KDELR3: variants seen among roughly 807,000 people sequenced by gnomAD.
The protein encoded by KDELR3 is KDEL endoplasmic reticulum protein retention receptor 3, also known as ER lumen protein-retaining receptor 3.
Under a neutral mutation model 22.7 loss-of-function variants are expected in KDELR3, and 26 were observed. The observed-to-expected ratio is 1.15, with a 90% CI of 0.84 to 1.59. KDELR3 has a LOEUF of 1.59. Ranked by LOEUF, KDELR3 falls within the 40% of genes most tolerant of loss-of-function variation. The probability of loss-of-function intolerance (pLI) is 0.00; values close to 1 mark genes in which losing one functional copy is unlikely to be tolerated. For synonymous variants in KDELR3, 120 were observed against 98.2 expected (o/e 1.22, Z -1.31); for missense variants, 289 against 251.1 (o/e 1.15, Z -1.02).
intron 1 of KDELR3, among the ~76,000 whole-genome samples, chr22:38,470,788 C>T (rs1213328891): frequency 6.6e-6 from 1 of 152,152 alleles, no homozygotes; most frequent in African/African-American, 2.4e-5. Context: ...TGTCCCGGGT[C>T]TCCATGTGCA....
At chr22:38,468,400 C>T (rs2089501334) in intron 1 of KDELR3, 76 bp downstream of exon 1, 8 of 1,317,408 alleles carry the variant, frequency 6.1e-6, no homozygotes, top group East Asian at 2.3e-5. Flanking sequence ...GGGCAGGGCG[C>T]TCCAGGTGTC....
intron 1 of KDELR3, among the ~76,000 whole-genome samples, chr22:38,470,895 G>A (rs753631667): frequency 1.1e-4 from 16 of 152,154 alleles, no homozygotes; most frequent in Non-Finnish European, 2.4e-4. Context: ...TGTAATCCCA[G>A]CACTTTGGGA....
rs1322599074 is a variant in KDELR3 at position 38,468,322 on chromosome 22, A to C, written c.89A>C (p.Lys30Thr). The C allele has an allele frequency of 3.7e-6, 6 of 1,613,518 alleles. No homozygotes were observed. Among genetic ancestry groups the C allele is most frequent in the Non-Finnish European group, 4.2e-6 (5 of 1,179,814 alleles). ...LGKIWRSKCC[K>T]GISGKSQILF... is the part of the protein sequence containing the mutation. ...AAGATCTGGAGGTCCAAGTGCTGCA[A>C]GGGTGAGGGGCGCCTGGCAGGGAGG... is the stretch of plus-strand genomic sequence containing the variant. Residue 30 changes from lysine to threonine, a missense_variant and splice_region_variant, in exon 1 of 5, where the codon AAG (lysine) becomes ACG (threonine). Physicochemically the swap from Lys to Thr is moderately conservative, Grantham distance 78. Transcript: ENST00000216014.
chr22:38,479,270 G>A (rs1156440020), intron 2 of KDELR3, among the ~76,000 whole-genome samples: 1 of 152,026 alleles, frequency 6.6e-6, no homozygotes. Flanking sequence ...TGTTTCAAGA[G>A]CCCTGGAATG....
intron 3 of KDELR3, among the ~76,000 whole-genome samples, chr22:38,480,006 G>A (rs1028367818): frequency 7.9e-5 from 12 of 152,176 alleles, no homozygotes; most frequent in South Asian, 2.1e-4. Context: ...CTGTTCAACC[G>A]ATTAGCAGAT....
intron 3 of KDELR3, among the ~76,000 whole-genome samples, chr22:38,480,294 C>A (rs1790308866): frequency 6.6e-6 from 1 of 152,024 alleles, no homozygotes; most frequent in Admixed American, 6.6e-5. Flanking sequence ...TAGGCACGAG[C>A]CACCACACTC....
intron 2 of KDELR3, among the ~76,000 whole-genome samples, chr22:38,476,890 T>A (rs2089563173): frequency 3.8e-3 from 1 of 266 alleles, no homozygotes; most frequent in African/African-American, 0.011. Context: ...CACTGCAGTC[T>A]CTGCTCCCGG....
chr22:38,471,686 G>A (rs947500223), intron 1 of KDELR3, among the ~76,000 whole-genome samples: 1 of 152,168 alleles, frequency 6.6e-6, no homozygotes, highest in Non-Finnish European at 1.5e-5. Flanking sequence ...CCCCCAGGCT[G>A]GGTGCAGTGG....
At chr22:38,480,646 G>A (rs1054757685) in intron 3 of KDELR3, among the ~76,000 whole-genome samples, 83 of 151,930 alleles carry the variant, frequency 5.5e-4, no homozygotes, top group African/African-American at 1.9e-3. Context: ...TCAGCTACTC[G>A]GGAGGCTGAG....
In KDELR3 at chr22:38,481,272, A is replaced by G; in HGVS notation, c.412A>G (p.Ile138Val). Residue 138 changes from isoleucine to valine, a missense_variant, in exon 4 of 5, where the codon ATC (isoleucine) becomes GTC (valine). Transcript: ENST00000216014. ...GGCTATCCTGCCCCAGCTCTTCATG[A>G]TCAGCAAGACTGGAGAGGCTGAGAC... ...SVAILPQLFM[I>V]SKTGEAETIT... 1 of 1,614,164 alleles carries G rather than the reference A, an allele frequency of 6.2e-7. No homozygotes were observed. Among genetic ancestry groups the G allele is most frequent in the Non-Finnish European group, 8.5e-7 (1 of 1,180,042 alleles).
chr22:38,482,590 A>T lies in KDELR3; in HGVS notation c.*54A>T. On this transcript the variant is annotated 3_prime_UTR_variant, in exon 5 of 5. Transcript: ENST00000216014. ...CAAGCACATGAAGGAAACTATTTTG[A>T]ATGTTCTCTTTGGCAACTTATCCAT... 1 of 1,465,876 alleles carries T rather than the reference A, an allele frequency of 6.8e-7. No homozygotes were observed. The allele number at this position is 1,465,876 out of a possible 1,614,324, so 90.8% of individuals were successfully genotyped here. A position where few individuals can be genotyped will look rare whatever the true frequency, so the allele number is the denominator to read the frequency against.
chr22:38,481,066 GATTAAAAT>G, intron 3 of KDELR3, 138 bp from the exon 4 acceptor site: 1 of 745,396 alleles, frequency 1.3e-6, no homozygotes. Context: ...AGGTTAAACT[GATTAAAAT>G]ATTATAATTT....
At position 38,474,563 on chromosome 22, in the gene KDELR3, C is replaced by T; in HGVS notation, c.132C>T (p.Phe44=). ...GCCAGATCCTGTTTGCTCTCGTCTTCACCACCAGGTACCTGGACCTGTTCA... is the reference window on the plus strand; with the variant it reads ...GCCAGATCCTGTTTGCTCTCGTCTTTACCACCAGGTACCTGGACCTGTTCA... ...GKSQILFALV[F]TTRYLDLFTN... The change falls in exon 2 of 5, where the codon TTC becomes TTT. Residue 44 remains phenylalanine (F), a synonymous_variant. Coordinates refer to ENST00000216014, the MANE Select transcript of KDELR3 (RefSeq NM_006855.4). The T allele has an allele frequency of 6.2e-7, 1 of 1,614,064 alleles. No homozygotes were observed. The highest frequency in any genetic ancestry group is 8.5e-7 in the Non-Finnish European group (1 of 1,179,986).
chr22:38,473,531 A>G (rs1199545400), intron 1 of KDELR3, among the ~76,000 whole-genome samples: 2 of 152,258 alleles, frequency 1.3e-5, no homozygotes, highest in East Asian at 1.9e-4. Flanking sequence ...TCATATGTGT[A>G]CACATAGGTG....
At position 38,478,629 on chromosome 22, in the gene KDELR3, ATTTTTTTTTTTTTTTTT is replaced by A. The variant is rs55884876; in HGVS notation, c.193-950_193-934del. On this transcript the variant is annotated intron_variant, in intron 2 of 4. Transcript: ENST00000216014. ...GGCAAGGGAAGAGACAGCATCTGTGATTTTTTTTTTTTTTTTTTTTTTTTTTTTTTGAGACAGAGTCT... is the reference window on the plus strand; with the variant it reads ...GGCAAGGGAAGAGACAGCATCTGTGATTTTTTTTTTTTTGAGACAGAGTCT... Among the ~76,000 whole-genome samples, 6 of 43,560 alleles carry A rather than the reference ATTTTTTTTTTTTTTTTT, an allele frequency of 1.4e-4. 1 individual carries two copies. Among genetic ancestry groups the A allele is most frequent in the Admixed American group, 4.9e-4 (1 of 2,032 alleles). 28.6% of individuals were successfully genotyped at this position (43,560 alleles called of 152,430 possible).
At chr22:38,469,996 T>C (rs1227506103) in intron 1 of KDELR3, among the ~76,000 whole-genome samples, 2 of 151,902 alleles carry the variant, frequency 1.3e-5, no homozygotes, top group Non-Finnish European at 2.9e-5. Flanking sequence ...ATTTTTGTAT[T>C]TTTAGTAGAG....
chr22:38,479,073 G>C (rs2089580418), intron 2 of KDELR3, among the ~76,000 whole-genome samples: 1 of 152,044 alleles, frequency 6.6e-6, no homozygotes, highest in African/African-American at 2.4e-5. Flanking sequence ...AAGGAGCAAT[G>C]GTCAGTTAGT....
chr22:38,482,295 A>T (rs2089609077), intron 4 of KDELR3, among the ~76,000 whole-genome samples: 1 of 152,206 alleles, frequency 6.6e-6, no homozygotes, highest in African/African-American at 2.4e-5. Flanking sequence ...CTAAGTTTAC[A>T]GCTGGGGGGA....
intron 3 of KDELR3, among the ~76,000 whole-genome samples, chr22:38,480,764 T>A (rs1342919402): frequency 6.6e-6 from 1 of 150,840 alleles, no homozygotes; most frequent in South Asian, 2.1e-4. Flanking sequence ...AAAAAATAAA[T>A]AAAAAAGTTA....
Sources: allele counts gnomAD v4.1 joint callset (sites outside exome capture counted in the v4.1 genomes callset), GRCh38; gene constraint gnomAD v4.1.1; transcripts MANE v1.5; gene names NCBI Gene and HGNC (gene_info 2026-07-23, HGNC 2026-07-21).